The following FAM78B variants were observed in gnomAD, a reference collection of about 807,000 sequenced individuals.
FAM78B encodes protein FAM78B.
In FAM78B, 10 loss-of-function variants were observed where a neutral mutation model predicts 20.0. The observed-to-expected ratio is 0.50, with a 90% CI of 0.31 to 0.85. FAM78B has a LOEUF of 0.85. Ranked by LOEUF, FAM78B falls within the 40% of genes least tolerant of loss-of-function variation. FAM78B has a pLI of 0.05. For synonymous variants in FAM78B, 135 were observed against 132.8 expected (o/e 1.02, Z -0.12); for missense variants, 283 against 345.0 (o/e 0.82, Z 1.42).
intron 1 of FAM78B, among the ~76,000 whole-genome samples, chr1:166,085,698 C>G (rs1652800597): frequency 6.6e-6 from 1 of 152,192 alleles, no homozygotes; most frequent in African/African-American, 2.4e-5. Context: ...TTAGAGGCCT[C>G]AGTGACCCCA....
intron 1 of FAM78B, among the ~76,000 whole-genome samples, chr1:166,148,161 A>G (rs1040201614): frequency 2.5e-4 from 38 of 152,258 alleles, no homozygotes; most frequent in African/African-American, 8.7e-4. Flanking sequence ...AGAGCTGGTA[A>G]CGCAAATAAT....
chr1:166,096,089 G>A, intron 1 of FAM78B, among the ~76,000 whole-genome samples: 1 of 152,176 alleles, frequency 6.6e-6, no homozygotes, highest in East Asian at 1.9e-4. Context: ...CGTAACCATA[G>A]GTTTTTAGCT....
At chr1:166,136,465 C>A (rs139487435) in intron 1 of FAM78B, among the ~76,000 whole-genome samples, 2 of 152,104 alleles carry the variant, frequency 1.3e-5, no homozygotes, top group African/African-American at 2.4e-5. Context: ...TCTCCAGATG[C>A]CTTATCTCTC....
At chr1:166,101,681 C>A (rs1054882895) in intron 1 of FAM78B, among the ~76,000 whole-genome samples, 5 of 152,132 alleles carry the variant, frequency 3.3e-5, no homozygotes, top group African/African-American at 9.7e-5. Context: ...AAGAAACGAA[C>A]AAAGCCTCCA....
intron 1 of FAM78B, among the ~76,000 whole-genome samples, chr1:166,121,740 A>G (rs1257276690): frequency 2.6e-5 from 4 of 152,164 alleles, no homozygotes; most frequent in Non-Finnish European, 5.9e-5. Context: ...GGTAGGTACT[A>G]TTACTACCGT....
intron 1 of FAM78B, among the ~76,000 whole-genome samples, chr1:166,102,919 G>A (rs1175802231): frequency 7.9e-5 from 12 of 152,022 alleles, no homozygotes; most frequent in Non-Finnish European, 2.9e-5. Flanking sequence ...TTTTCAGCAC[G>A]ACACCACACC....
intron 1 of FAM78B, among the ~76,000 whole-genome samples, chr1:166,117,747 A>C (rs192582406): frequency 1.3e-5 from 2 of 152,188 alleles, no homozygotes; most frequent in East Asian, 3.9e-4. Context: ...TATATTCTAA[A>C]CCTTTTTCCT....
chr1:166,077,681 TTATA>T (rs1652336077), intron 1 of FAM78B, among the ~76,000 whole-genome samples: 1 of 140,922 alleles, frequency 7.1e-6, no homozygotes, highest in South Asian at 2.1e-4. Flanking sequence ...AATTATATAT[TTATA>T]TATAAATTAT....
At chr1:166,136,323 C>T (rs951869148) in intron 1 of FAM78B, among the ~76,000 whole-genome samples, 1 of 152,142 alleles carries the variant, frequency 6.6e-6, no homozygotes, top group Non-Finnish European at 1.5e-5. Context: ...AGATGACACA[C>T]TAATCTTCAC....
At chr1:166,133,187 T>C (rs1055147786) in intron 1 of FAM78B, among the ~76,000 whole-genome samples, 1 of 152,182 alleles carries the variant, frequency 6.6e-6, no homozygotes. Flanking sequence ...GTTTTTCTAC[T>C]GGCTTCCTGG....
chr1:166,084,231 ACACACACTCTCT>A (rs1357392581), intron 1 of FAM78B, among the ~76,000 whole-genome samples: 1,851 of 128,658 alleles, frequency 0.014, 16 homozygotes, highest in Non-Finnish European at 0.019. Flanking sequence ...ACACACACAC[ACACACACTCTCT>A]CTCTCTCTCT....
intron 1 of FAM78B, among the ~76,000 whole-genome samples, chr1:166,101,064 T>C (rs1051907605): frequency 1.3e-5 from 2 of 152,234 alleles, no homozygotes; most frequent in Admixed American, 1.3e-4. Context: ...CCTCCGCTGC[T>C]GATACCCAGG....
At chr1:166,085,531 G>A (rs10753703) in intron 1 of FAM78B, among the ~76,000 whole-genome samples, 151,196 of 152,346 alleles carry the variant, frequency 0.99, 75,031 homozygotes, top group Middle Eastern at 1. Flanking sequence ...TGGTTGTCAA[G>A]TCTTCTCCAA....
At chr1:166,165,905 G>A (rs1656355636) in intron 1 of FAM78B, 81 bp downstream of exon 1, 1 of 1,531,126 alleles carries the variant, frequency 6.5e-7, no homozygotes, top group Non-Finnish European at 9.0e-7. Context: ...GCAGTAGGAA[G>A]GAGCTGGGGA....
chr1:166,090,240 T>C (rs762109672), intron 1 of FAM78B, among the ~76,000 whole-genome samples: 2 of 151,962 alleles, frequency 1.3e-5, no homozygotes, highest in Non-Finnish European at 2.9e-5. Flanking sequence ...AAAAGTCCAA[T>C]CCCCCATGCA....
At chr1:166,126,321 C>T (rs115420669) in intron 1 of FAM78B, among the ~76,000 whole-genome samples, 1,836 of 152,152 alleles carry the variant, frequency 0.012, 37 homozygotes, top group Non-Finnish European at 0.019. Flanking sequence ...ACTTGGGAAA[C>T]AGCAGTGAAT....
chr1:166,108,347 A>G (rs1404795782), intron 1 of FAM78B, among the ~76,000 whole-genome samples: 2 of 152,170 alleles, frequency 1.3e-5, no homozygotes, highest in Non-Finnish European at 2.9e-5. Flanking sequence ...CTATACACCA[A>G]CAGTGACCAA....
At chr1:166,120,774 G>C (rs981571334) in intron 1 of FAM78B, among the ~76,000 whole-genome samples, 1 of 152,216 alleles carries the variant, frequency 6.6e-6, no homozygotes, top group Non-Finnish European at 1.5e-5. Context: ...GGTGAGCAGA[G>C]GACATCCACG....
intron 1 of FAM78B, among the ~76,000 whole-genome samples, chr1:166,112,242 T>C (rs1406419748): frequency 6.6e-6 from 1 of 152,202 alleles, no homozygotes; most frequent in Admixed American, 6.5e-5. Context: ...ACAACCCTGG[T>C]CCTTGGATTG....
Sources: gnomAD v4.1 joint callset for allele counts (sites outside exome capture counted in the v4.1 genomes callset) on GRCh38, gnomAD v4.1.1 for gene constraint, MANE v1.5 for transcripts, NCBI Gene and HGNC (gene_info 2026-07-23, HGNC 2026-07-21) for gene names.